Variants in CDH13 observed in about 807,000 individuals in gnomAD.
The protein encoded by CDH13 is cadherin-13.
In CDH13, 24 loss-of-function variants were observed where a neutral mutation model predicts 63.8. That is an observed-to-expected ratio of 0.38 (90% CI 0.27 to 0.53). The LOEUF (loss-of-function observed/expected upper bound fraction) is 0.53. Among genes scored for constraint, CDH13 ranks in the 20% least tolerant of loss-of-function variants. The pLI, the probability that CDH13 is intolerant of heterozygous loss-of-function variation, is 0.85. For synonymous variants in CDH13, 503 were observed against 355.3 expected, an observed-to-expected ratio of 1.42 and a Z score of -4.67; for missense variants, 1,049 against 903.1, an observed-to-expected ratio of 1.16 and a Z score of -2.07.
At chr16:82,795,712 C>T (rs754737671) in intron 1 of CDH13, among the ~76,000 whole-genome samples, 30 of 152,146 alleles carry the variant, frequency 2.0e-4, no homozygotes, top group Non-Finnish European at 3.1e-4. Flanking sequence ...TGACCCAGTT[C>T]CTAATCCAGC....
At chr16:83,740,262 A>G (rs922024471) in intron 10 of CDH13, among the ~76,000 whole-genome samples, 1 of 151,946 alleles carries the variant, frequency 6.6e-6, no homozygotes, top group African/African-American at 2.4e-5. Flanking sequence ...TCTATACCCC[A>G]TGGGAAGTCA....
intron 1 of CDH13, among the ~76,000 whole-genome samples, chr16:82,764,050 A>G (rs2034956115): frequency 6.6e-6 from 1 of 152,186 alleles, no homozygotes; most frequent in Non-Finnish European, 1.5e-5. Context: ...TTGTTTTAGT[A>G]TGCGCTAATG....
intron 2 of CDH13, among the ~76,000 whole-genome samples, chr16:83,001,023 C>G (rs778889189): frequency 2.0e-5 from 3 of 152,216 alleles, no homozygotes; most frequent in Non-Finnish European, 4.4e-5. Context: ...AGATGTATCA[C>G]TTGTCTCCTG....
At chr16:83,050,004 C>G (rs554895446) in intron 3 of CDH13, among the ~76,000 whole-genome samples, 1 of 152,084 alleles carries the variant, frequency 6.6e-6, no homozygotes, top group Non-Finnish European at 1.5e-5. Context: ...GCTACAAAAA[C>G]GTTGTATACT....
At position 82,642,273 on chromosome 16, in the gene CDH13, A is replaced by C. The variant is rs141901143; in HGVS notation, c.45+15136A>C. On this transcript the variant is annotated intron_variant, in intron 1 of 13. Coordinates refer to ENST00000567109, the MANE Select transcript of CDH13 (RefSeq NM_001257.5). ...TTGCATTTAACTCAGAGGTTAGACT[A>C]TAAGGTCAGGGTTTTAGGCAAACAC... 3.7e-3 allele frequency among the ~76,000 whole-genome samples: 569 copies of C among 152,280 alleles called. 1 individual carries two copies. Among genetic ancestry groups the C allele is most frequent in the African/African-American group, 0.013 (538 of 41,556 alleles).
At position 83,511,935 on chromosome 16, in the gene CDH13, C is replaced by G. The variant is rs550696476; in HGVS notation, c.960+25280C>G. 1.6e-3 allele frequency among the ~76,000 whole-genome samples: 247 copies of G among 152,272 alleles called. 3 individuals carry two copies. The highest frequency in any genetic ancestry group is 5.8e-3 in the African/African-American group (239 of 41,546). On this transcript the variant is annotated intron_variant, in intron 7 of 13. Transcript: ENST00000567109. ...CGAAAGGGGCTCATAAAAGCAATCA[C>G]TGCATGGGGCTTTTGCTTGGTGAAT...
chr16:82,628,921 C>T (rs754055449), intron 1 of CDH13, among the ~76,000 whole-genome samples: 2 of 152,220 alleles, frequency 1.3e-5, no homozygotes, highest in African/African-American at 4.8e-5. Flanking sequence ...CTGCTGCCTT[C>T]CTAGGACTGC....
chr16:83,783,764 G>A (rs1915692380), intron 13 of CDH13, among the ~76,000 whole-genome samples: 4 of 152,176 alleles, frequency 2.6e-5, no homozygotes, highest in African/African-American at 9.7e-5. Context: ...CACTCAACTT[G>A]AGCTAATGAA....
chr16:83,058,034 C>G (rs552192219), intron 3 of CDH13, among the ~76,000 whole-genome samples: 1 of 152,178 alleles, frequency 6.6e-6, no homozygotes, highest in Non-Finnish European at 1.5e-5. Context: ...AGCAACTTTA[C>G]TTTCAAAAGT....
intron 6 of CDH13, among the ~76,000 whole-genome samples, chr16:83,371,451 T>C (rs1479128305): frequency 2.0e-5 from 3 of 152,234 alleles, no homozygotes; most frequent in African/African-American, 4.8e-5. Context: ...GGCATACTTA[T>C]ACTTTCTGAA....
At chr16:83,702,705 G>T (rs972000404) in intron 10 of CDH13, among the ~76,000 whole-genome samples, 1 of 152,186 alleles carries the variant, frequency 6.6e-6, no homozygotes, top group Non-Finnish European at 1.5e-5. Flanking sequence ...CTCTTATCCA[G>T]TGTTAGCTCC....
At chr16:83,646,706 A>ACAC (rs1424179609) in intron 8 of CDH13, among the ~76,000 whole-genome samples, 2 of 88,748 alleles carry the variant, frequency 2.3e-5, no homozygotes, top group African/African-American at 7.7e-5. Flanking sequence ...AAAAAAAAAA[A>ACAC]AAAAAAACAC....
At chr16:83,060,189 G>A (rs1219472728) in intron 3 of CDH13, among the ~76,000 whole-genome samples, 1 of 152,050 alleles carries the variant, frequency 6.6e-6, no homozygotes, top group Non-Finnish European at 1.5e-5. Context: ...CCCTTTGATT[G>A]ATAAACAATA....
intron 5 of CDH13, among the ~76,000 whole-genome samples, chr16:83,336,434 A>C (rs1293104222): frequency 6.6e-6 from 1 of 152,206 alleles, no homozygotes; most frequent in East Asian, 1.9e-4. Context: ...ATCTACGCTA[A>C]AAAACATTTT....
At chr16:83,670,732 G>C (rs1257773084) in intron 8 of CDH13, 58 bp from the exon 9 acceptor site, 1 of 1,464,790 alleles carries the variant, frequency 6.8e-7, no homozygotes, top group South Asian at 1.2e-5. Flanking sequence ...TGCAAAGCAT[G>C]TAGTAAATGA....
At chr16:83,597,055 T>A (rs192463283) in intron 7 of CDH13, among the ~76,000 whole-genome samples, 1 of 152,134 alleles carries the variant, frequency 6.6e-6, no homozygotes, top group South Asian at 2.1e-4. Context: ...AGACCCTGTC[T>A]CTACAAAAAA....
In CDH13 at chr16:83,032,056, C is replaced by A; in HGVS notation, c.204C>A (p.Val68=). 1 of 1,609,054 alleles carries A rather than the reference C, an allele frequency of 6.2e-7. No individual in the cohort carries two copies. The highest frequency in any genetic ancestry group is 2.2e-5 in the East Asian group (1 of 44,650). Residue 68 remains valine (V), a synonymous_variant, in exon 3 of 14, where the codon GTC becomes GTA. Coordinates refer to ENST00000567109, the MANE Select transcript of CDH13 (RefSeq NM_001257.5). ...CKGNDKLRYE[V]SSPYFKVNSD... ...GAAACGACAAGCTACGCTATGAGGTCTCGAGCCCATACTTCAAGGTGAACA... is the reference window on the plus strand; with the variant it reads ...GAAACGACAAGCTACGCTATGAGGTATCGAGCCCATACTTCAAGGTGAACA...
At chr16:83,774,756 G>A (rs1424999177) in intron 11 of CDH13, among the ~76,000 whole-genome samples, 1 of 152,188 alleles carries the variant, frequency 6.6e-6, no homozygotes, top group East Asian at 1.9e-4. Context: ...GACAAGGAGT[G>A]GAATGGTGGC....
chr16:83,736,033 C>G (rs992589461), intron 10 of CDH13: 3 of 152,190 alleles, frequency 2.0e-5, no homozygotes, highest in Non-Finnish European at 2.9e-5. Flanking sequence ...GTACCAAACT[C>G]CAAGTCGTCC....
Sources: gnomAD v4.1 joint callset for allele counts (sites outside exome capture counted in the v4.1 genomes callset) on GRCh38, gnomAD v4.1.1 for gene constraint, MANE v1.5 for transcripts, NCBI Gene and HGNC (gene_info 2026-07-23, HGNC 2026-07-21) for gene names.